Variants in LPIN1 observed in about 807,000 individuals in gnomAD.
The protein encoded by LPIN1 is lipin 1.
A neutral mutation model predicts 107.5 loss-of-function variants in LPIN1; 71 were observed. That is an observed-to-expected ratio of 0.66 (90% CI 0.55 to 0.80). The LOEUF is 0.80. Among genes scored for constraint, LPIN1 ranks in the 30% least tolerant of loss-of-function variants. LPIN1 has a pLI of 0.00. For synonymous variants in LPIN1, 445 were observed against 452.6 expected, an observed-to-expected ratio of 0.98 and a Z score of 0.21; for missense variants, 1,043 against 1,160.6, an observed-to-expected ratio of 0.90 and a Z score of 1.47.
intron 1 of LPIN1, among the ~76,000 whole-genome samples, chr2:11,684,727 A>C: frequency 6.6e-6 from 1 of 152,028 alleles, no homozygotes; most frequent in South Asian, 2.1e-4. Context: ...CTTTCCTTCC[A>C]TCCCTCCCTC....
intron 12 of LPIN1, 137 bp from the exon 13 acceptor site, chr2:11,791,777 G>T (rs538188237): frequency 1.2e-5 from 18 of 1,471,992 alleles, no homozygotes; most frequent in East Asian, 1.1e-4. Context: ...AATTTTTAAC[G>T]CACAAATAGT....
rs752945402 is a variant in LPIN1 at position 11,803,144 on chromosome 2, A to T, written c.2013+111A>T. The T allele has an allele frequency of 3.4e-6, 5 of 1,472,592 alleles. No individual in the cohort carries two copies. The highest frequency in any genetic ancestry group is 4.7e-6 in the Non-Finnish European group (5 of 1,064,960). 91.2% of individuals were successfully genotyped at this position (1,472,592 alleles called of 1,614,324 possible). ...CCCGTTACTTGTCACCTTTCATCCC[A>T]GGGGGCCTGCAATCCCTCAACTGGG... On this transcript the variant is annotated intron_variant, in intron 15 of 20. Transcript: ENST00000674199. This position sits in a 1 kb window ranked among gnomAD's most constrained non-coding sequence, Gnocchi z 4.2.
intron 1 of LPIN1, among the ~76,000 whole-genome samples, chr2:11,687,164 A>T (rs1451461200): frequency 6.6e-6 from 1 of 151,914 alleles, no homozygotes; most frequent in Non-Finnish European, 1.5e-5. Context: ...TGCCCAGCTA[A>T]GTTTTAATTT....
intron 17 of LPIN1, among the ~76,000 whole-genome samples, chr2:11,813,368 A>T (rs1035511035): frequency 2.0e-5 from 3 of 152,196 alleles, no homozygotes; most frequent in Non-Finnish European, 2.9e-5. Context: ...GAAATATATC[A>T]TACCTTCTTT....
intron 1 of LPIN1, chr2:11,764,103 T>TATATATATATATATATATACAC (rs1553422099): frequency 8.2e-6 from 1 of 121,806 alleles, no homozygotes; most frequent in Non-Finnish European, 1.6e-5. Flanking sequence ...TATATATATA[T>TATATATATATATATATATACAC]ACACACACAC....
chr2:11,804,923 C>T, intron 16 of LPIN1, 147 bp from the exon 17 acceptor site: 1 of 672,006 alleles, frequency 1.5e-6, no homozygotes, highest in African/African-American at 1.8e-5. Context: ...TCAGCATCAA[C>T]TTTGATGACT....
At chr2:11,699,341 G>T (rs1473993817) in intron 1 of LPIN1, among the ~76,000 whole-genome samples, 1 of 152,198 alleles carries the variant, frequency 6.6e-6, no homozygotes, top group Non-Finnish European at 1.5e-5. Context: ...ACATGTAGTT[G>T]AAAACAGTGA....
chr2:11,752,154 C>A (rs1667895994), intron 1 of LPIN1, among the ~76,000 whole-genome samples: 1 of 152,122 alleles, frequency 6.6e-6, no homozygotes, highest in African/African-American at 2.4e-5. Flanking sequence ...GGTATAGTTG[C>A]TAGGGTTTGC....
chr2:11,805,883 A>G (rs1029479219), intron 17 of LPIN1, among the ~76,000 whole-genome samples: 6 of 152,168 alleles, frequency 3.9e-5, no homozygotes, highest in African/African-American at 7.2e-5. Flanking sequence ...GGGATTCTCC[A>G]TGCCCCGCCC....
At chr2:11,753,071 A>G (rs1668105091) in intron 1 of LPIN1, among the ~76,000 whole-genome samples, 2 of 151,884 alleles carry the variant, frequency 1.3e-5, no homozygotes, top group South Asian at 4.2e-4. Context: ...TAATTATGGG[A>G]ACGCCCTCCT....
chr2:11,807,708 A>G (rs1012270340), intron 17 of LPIN1, among the ~76,000 whole-genome samples: 4 of 151,848 alleles, frequency 2.6e-5, no homozygotes, highest in African/African-American at 9.7e-5. Flanking sequence ...GGAGACCCAA[A>G]CCTTTGCCTG....
intron 2 of LPIN1, among the ~76,000 whole-genome samples, chr2:11,766,954 T>A (rs1318885682): frequency 1.3e-5 from 2 of 152,016 alleles, no homozygotes; most frequent in Non-Finnish European, 2.9e-5. Context: ...TGGAACTCAG[T>A]TCTTAAGGTT....
chr2:11,733,354 T>A (rs990640245), intron 1 of LPIN1, among the ~76,000 whole-genome samples: 1 of 152,190 alleles, frequency 6.6e-6, no homozygotes, highest in East Asian at 1.9e-4. Context: ...AGTGTGGCAA[T>A]ATGAAAGTGT....
At chr2:11,698,340 C>T (rs1265956338) in intron 1 of LPIN1, among the ~76,000 whole-genome samples, 3 of 152,152 alleles carry the variant, frequency 2.0e-5, no homozygotes, top group African/African-American at 4.8e-5. Context: ...GGGCTGTGTC[C>T]GAGTTCTGTA....
intron 16 of LPIN1, 130 bp from the exon 17 acceptor site, chr2:11,804,940 T>C (rs1251245479): frequency 1.4e-6 from 1 of 706,132 alleles, no homozygotes; most frequent in African/African-American, 1.8e-5. Context: ...GACTTGAGCC[T>C]TGGGCTTTCT....
chr2:11,720,245 T>A (rs992001524), upstream of LPIN1, among the ~76,000 whole-genome samples: 17 of 152,314 alleles, frequency 1.1e-4, no homozygotes, highest in East Asian at 2.5e-3. Context: ...TTATTATTTT[T>A]ATTATGATGA....
At chr2:11,677,691 C>G (rs1221842781) in exon 1 of LPIN1, 7 of 1,535,616 alleles carry the variant, frequency 4.6e-6, no homozygotes, top group Non-Finnish European at 6.1e-6. Context: ...TGGGAGACCT[C>G]GCAGGGCAAG....
chr2:11,725,296 CAT>C (rs1222403363), intron 1 of LPIN1, among the ~76,000 whole-genome samples: 1 of 151,550 alleles, frequency 6.6e-6, no homozygotes, highest in African/African-American at 2.4e-5. Flanking sequence ...AACAAACAAA[CAT>C]GTGGAATGCT....
At chr2:11,700,995 C>G (rs556796199) in intron 1 of LPIN1, among the ~76,000 whole-genome samples, 32 of 152,166 alleles carry the variant, frequency 2.1e-4, no homozygotes, top group Non-Finnish European at 3.4e-4. Flanking sequence ...AGAGTCTAAT[C>G]TCTGTGCAGC....
Sources: gnomAD v4.1 joint callset for allele counts (sites outside exome capture counted in the v4.1 genomes callset) on GRCh38, gnomAD v4.1.1 for gene constraint, Gnocchi (gnomAD v3.1) non-coding constraint, MANE v1.5 for transcripts, NCBI Gene and HGNC (gene_info 2026-07-23, HGNC 2026-07-21) for gene names.